The following NCAM2 variants were observed in gnomAD, a reference collection of about 807,000 sequenced individuals.
NCAM2 encodes neural cell adhesion molecule 2.
In NCAM2, 30 loss-of-function variants were observed where a neutral mutation model predicts 98.1. The ratio of observed to expected loss-of-function variants is 0.31; its 90% CI spans 0.23 to 0.41. The LOEUF is 0.41. Among genes scored for constraint, NCAM2 ranks in the 10% least tolerant of loss-of-function variants. The pLI, the probability that NCAM2 is intolerant of heterozygous loss-of-function variation, is 1.00. For missense variants in NCAM2, 867 were observed against 1,005.8 expected, an observed-to-expected ratio of 0.86 and a Z score of 1.87; for synonymous variants, 368 against 342.4, an observed-to-expected ratio of 1.07 and a Z score of -0.83.
At chr21:21,058,833 A>G (rs1021538757) in intron 1 of NCAM2, among the ~76,000 whole-genome samples, 2 of 151,940 alleles carry the variant, frequency 1.3e-5, no homozygotes, top group Admixed American at 6.6e-5. Context: ...TCCATTCTTC[A>G]TTGTATTTCT....
At chr21:21,370,965 A>T (rs981596228) in intron 8 of NCAM2, among the ~76,000 whole-genome samples, 98 of 152,002 alleles carry the variant, frequency 6.4e-4, no homozygotes, top group African/African-American at 2.2e-3. Context: ...AGAGAAAGAC[A>T]GGAGGACCTA....
intron 1 of NCAM2, among the ~76,000 whole-genome samples, chr21:21,220,589 T>A (rs1197279882): frequency 6.6e-6 from 1 of 152,168 alleles, no homozygotes; most frequent in Non-Finnish European, 1.5e-5. Context: ...CTGTATTTAG[T>A]TCAGCTCCTT....
intron 15 of NCAM2, among the ~76,000 whole-genome samples, chr21:21,504,489 T>C (rs552265281): frequency 2.0e-5 from 3 of 152,058 alleles, no homozygotes; most frequent in East Asian, 1.9e-4. Flanking sequence ...CTGGATGTTA[T>C]TGTGAAAATA....
chr21:21,168,961 G>C (rs538731702), intron 1 of NCAM2, among the ~76,000 whole-genome samples: 1 of 152,042 alleles, frequency 6.6e-6, no homozygotes, highest in Non-Finnish European at 1.5e-5. Flanking sequence ...CATGTGGAGA[G>C]GCAAAAGACC....
chr21:21,203,498 T>C (rs1210601888), intron 1 of NCAM2, among the ~76,000 whole-genome samples: 1 of 152,166 alleles, frequency 6.6e-6, no homozygotes, highest in Non-Finnish European at 1.5e-5. Flanking sequence ...TGTACAGTAA[T>C]GATGTCAGGG....
At chr21:21,284,894 G>T (rs1409253803) in intron 3 of NCAM2, among the ~76,000 whole-genome samples, 8 of 151,522 alleles carry the variant, frequency 5.3e-5, no homozygotes, top group Non-Finnish European at 1.2e-4. Flanking sequence ...GTTTTTATTA[G>T]CAAAGCTTTC....
intron 1 of NCAM2, among the ~76,000 whole-genome samples, chr21:21,023,140 G>C (rs186651199): frequency 3.4e-4 from 51 of 152,220 alleles, no homozygotes; most frequent in African/African-American, 1.1e-3. Flanking sequence ...ATTGAAAGTT[G>C]CATTTAATTT....
rs544185618 is a variant in NCAM2, at chr21:21,402,324, C to T, written c.1196-7950C>T. On this transcript the variant is annotated intron_variant, in intron 9 of 17. Coordinates refer to ENST00000400546, the MANE Select transcript of NCAM2 (RefSeq NM_004540.5). Reference sequence around the variant, plus strand: ...GCATTCCTGGGGGGAGGTCTATAAACGGCCACTCTGTGAGTGTCTATCCTA... The same window carrying T: ...GCATTCCTGGGGGGAGGTCTATAAATGGCCACTCTGTGAGTGTCTATCCTA... Among the ~76,000 whole-genome samples the T allele has an allele frequency of 3.3e-4, 50 of 152,110 alleles. No homozygotes were observed. In the South Asian group the frequency reaches 5.4e-3, roughly 16 times the overall value.
intron 1 of NCAM2, chr21:21,210,807 C>T: frequency 8.3e-6 from 3 of 360,078 alleles, no homozygotes; most frequent in Non-Finnish European, 1.4e-5. Flanking sequence ...GAGAATGTGT[C>T]TTGTAGTTCA....
intron 9 of NCAM2, among the ~76,000 whole-genome samples, chr21:21,403,562 C>A (rs572278575): frequency 3.7e-4 from 57 of 152,266 alleles, no homozygotes; most frequent in Admixed American, 3.1e-3. Context: ...TTGTGTCCAG[C>A]ATCTGCTAAA....
chr21:21,530,660 A>G (rs1209618268), intron 16 of NCAM2, among the ~76,000 whole-genome samples: 1 of 151,834 alleles, frequency 6.6e-6, no homozygotes, highest in Non-Finnish European at 1.5e-5. Context: ...GTTCCATTTC[A>G]GCACATAAAT....
At chr21:21,080,709 A>G (rs1470903795) in intron 1 of NCAM2, among the ~76,000 whole-genome samples, 1 of 146,822 alleles carries the variant, frequency 6.8e-6, no homozygotes, top group Non-Finnish European at 1.5e-5. Flanking sequence ...CCTAACATTT[A>G]TTACTCTCTA....
intron 11 of NCAM2, among the ~76,000 whole-genome samples, chr21:21,422,972 G>A (rs1244337732): frequency 6.6e-6 from 1 of 151,888 alleles, no homozygotes; most frequent in Non-Finnish European, 1.5e-5. Flanking sequence ...ATATTTATAT[G>A]CATATTTATT....
chr21:21,436,236 C>T (rs1978324023), intron 12 of NCAM2, among the ~76,000 whole-genome samples: 1 of 152,146 alleles, frequency 6.6e-6, no homozygotes, highest in Non-Finnish European at 1.5e-5. Context: ...AACATACTTT[C>T]ATTTTGTTTC....
intron 1 of NCAM2, among the ~76,000 whole-genome samples, chr21:21,011,773 A>G (rs1050899840): frequency 2.0e-5 from 3 of 152,086 alleles, no homozygotes; most frequent in African/African-American, 7.2e-5. Flanking sequence ...AGTAGTTCAG[A>G]TAACTCAATA....
intron 12 of NCAM2, 87 bp from the exon 13 acceptor site, chr21:21,466,517 GTT>G (rs869040828): frequency 2.0e-6 from 2 of 981,556 alleles, no homozygotes; most frequent in East Asian, 6.2e-5. Flanking sequence ...AATTGTAATA[GTT>G]TGATTTGTTT....
rs1277379096 is a variant in NCAM2, at chr21:21,218,585, T to G, written c.56-61993T>G. Among the ~76,000 whole-genome samples the G allele has an allele frequency of 2.0e-5, 3 of 151,816 alleles. No homozygotes were observed. The East Asian group carries it at 5.8e-4, about 29-fold the overall frequency. On this transcript the variant is annotated intron_variant, in intron 1 of 17. Coordinates refer to ENST00000400546, the MANE Select transcript of NCAM2 (RefSeq NM_004540.5). ...GGTGGGTCCAGTGTAACCCCAGGAG[T>G]CCTTAAAATAGTTTGAGTGAGATAT...
intron 1 of NCAM2, among the ~76,000 whole-genome samples, chr21:21,277,770 G>A (rs1334409071): frequency 1.3e-5 from 2 of 152,098 alleles, no homozygotes; most frequent in African/African-American, 4.8e-5. Flanking sequence ...TATGCATGCA[G>A]TAGTCTGACA....
rs182642680 is a variant in NCAM2, at chr21:21,284,309, T to C, written c.246T>C (p.Asn82=). ...EGVRSRLTIY[N]ANIEDAGIYR... is the part of the protein sequence containing the mutation. ...TTAGGTCACGGTTAACCATCTACAATGCAAATATAGAAGATGCAGGGATAT... is the reference window on the plus strand; with the variant it reads ...TTAGGTCACGGTTAACCATCTACAACGCAAATATAGAAGATGCAGGGATAT... The change falls in exon 3 of 18, where the codon AAT becomes AAC. Residue 82 remains asparagine (N), a synonymous_variant. Coordinates refer to ENST00000400546, the MANE Select transcript of NCAM2 (RefSeq NM_004540.5). 3,374 of 1,612,448 alleles carry C rather than the reference T, an allele frequency of 2.1e-3. 6 individuals carry two copies. The highest frequency in any genetic ancestry group is 3.9e-3 in the South Asian group (355 of 91,038).
Sources: allele counts gnomAD v4.1 joint callset (sites outside exome capture counted in the v4.1 genomes callset), GRCh38; gene constraint gnomAD v4.1.1; transcripts MANE v1.5; gene names NCBI Gene and HGNC (gene_info 2026-07-23, HGNC 2026-07-21).